The following MALT1 variants were observed in gnomAD, a reference collection of about 807,000 sequenced individuals.
MALT1 encodes mucosa-associated lymphoid tissue lymphoma translocation protein 1.
MALT1 carries 36 observed loss-of-function variants against 85.5 expected under a neutral mutation model. That is an observed-to-expected ratio of 0.42 (90% CI 0.32 to 0.56). MALT1 has a LOEUF of 0.56. MALT1 is among the 20% of genes least tolerant of loss of function. The probability of loss-of-function intolerance (pLI) is 0.10; values close to 1 mark genes in which losing one functional copy is unlikely to be tolerated. For synonymous variants in MALT1, 359 were observed against 361.3 expected (o/e 0.99, Z 0.07); for missense variants, 716 against 981.6 (o/e 0.73, Z 3.62).
chr18:58,747,519 C>A lies in MALT1; in HGVS notation c.2152C>A (p.His718Asn). ...ACCTCTCATTGCTAAATTAGACATG[C>A]ATCGAGGTTTGGGAAGGAAGACTTG... is the stretch of plus-strand genomic sequence containing the variant. The part of the protein sequence containing the change: ...GKPLIAKLDM[H>N]RGLGRKTCFQ... The change falls in exon 17 of 17, where the codon CAT (histidine) becomes AAT (asparagine). Residue 718 changes from histidine to asparagine, a missense_variant. His to Asn is a moderately conservative substitution (Grantham distance 68). This residue lies in a region of MALT1 where 260 missense variants were observed against 323.7 expected (regional missense o/e 0.80). Transcript: ENST00000649217. The A allele has an allele frequency of 6.2e-7, 1 of 1,614,022 alleles. No individual in the cohort carries two copies. The highest frequency in any genetic ancestry group is 8.5e-7 in the Non-Finnish European group (1 of 1,179,916).
intron 9 of MALT1, 94 bp downstream of exon 9, chr18:58,716,061 A>G: frequency 1.1e-6 from 1 of 911,930 alleles, no homozygotes; most frequent in Non-Finnish European, 1.7e-6. Context: ...TTTTAAAGAA[A>G]TGTGAATAAC....
chr18:58,723,225 T>C lies in MALT1; in HGVS notation c.1196T>C (p.Leu399Ser). The C allele has an allele frequency of 1.2e-6, 2 of 1,613,666 alleles. No homozygotes were observed. The highest frequency in any genetic ancestry group is 1.3e-5 in the African/African-American group (1 of 75,058). Residue 399 changes from leucine (L) to serine (S), a missense_variant, in exon 10 of 17, where the codon TTA (leucine) becomes TCA (serine). Around this residue, in one of 4 missense-constraint regions of MALT1, gnomAD observed 86 missense variants for 212.3 expected, o/e 0.41. Coordinates refer to ENST00000649217, the MANE Select transcript of MALT1 (RefSeq NM_006785.4). ...ATGCGTAATGCTGTGGATGAGTTTT[T>C]ACTCCTTTTAGACAAGGGAGTATAT... is the stretch of plus-strand genomic sequence containing the variant. Reference protein sequence around the residue: ...YEMRNAVDEFLLLLDKGVYGL... With the variant: ...YEMRNAVDEFSLLLDKGVYGL...
chr18:58,712,101 A>G (rs1419714107), intron 7 of MALT1, among the ~76,000 whole-genome samples: 3 of 152,208 alleles, frequency 2.0e-5, no homozygotes, highest in East Asian at 3.8e-4. Context: ...AGTATTCTCT[A>G]TAATTTTTGC....
intron 4 of MALT1, among the ~76,000 whole-genome samples, chr18:58,707,710 T>C (rs2054773558): frequency 6.6e-6 from 1 of 152,160 alleles, no homozygotes. Flanking sequence ...CATTAACATA[T>C]AGAGATTGAA....
chr18:58,735,408 G>GTGAT (rs2055210017), intron 13 of MALT1, 79 bp downstream of exon 13: 1 of 1,453,264 alleles, frequency 6.9e-7, no homozygotes, highest in African/African-American at 1.4e-5. Context: ...TCCCTCTCTG[G>GTGAT]TGATTGTTTT....
At chr18:58,696,848 A>G (rs2054597707) in intron 3 of MALT1, among the ~76,000 whole-genome samples, 2 of 152,350 alleles carry the variant, frequency 1.3e-5, no homozygotes, top group East Asian at 3.9e-4. Flanking sequence ...TCAAGGCTAT[A>G]TGGAAAGTTA....
In MALT1 at chr18:58,734,340, T is replaced by G; in HGVS notation, c.1434T>G (p.Asp478Glu). The G allele has an allele frequency of 6.2e-7, 1 of 1,613,852 alleles. No homozygotes were observed. The highest frequency in any genetic ancestry group is 8.5e-7 in the Non-Finnish European group (1 of 1,179,696). Residue 478 changes from aspartate to glutamate, a missense_variant, in exon 12 of 17, where the codon GAT (aspartate) becomes GAG (glutamate). Physicochemically the swap from Asp to Glu is conservative, Grantham distance 45 (BLOSUM62 2). Transcript: ENST00000649217. ...ACGATGATACCATTCCAATCTTGGA[T>G]GCACTAAAAGTCACCGCCAATATTG... Reference protein sequence around the residue: ...NDYDDTIPILDALKVTANIVF... With the variant: ...NDYDDTIPILEALKVTANIVF...
intron 1 of MALT1, among the ~76,000 whole-genome samples, 191 bp from the exon 2 acceptor site, chr18:58,680,979 A>G (rs2054314158): frequency 6.6e-6 from 1 of 151,654 alleles, no homozygotes; most frequent in African/African-American, 2.4e-5. Context: ...TGAGTGGGAG[A>G]AGGGAATAAA....
At chr18:58,709,923 C>G in intron 5 of MALT1, 53 bp from the exon 6 acceptor site, 1 of 1,157,184 alleles carries the variant, frequency 8.6e-7, no homozygotes. Flanking sequence ...GATTTTTTCT[C>G]CAAGCCATTA....
chr18:58,693,246 C>A (rs1286769453), intron 2 of MALT1, among the ~76,000 whole-genome samples: 1 of 152,064 alleles, frequency 6.6e-6, no homozygotes, highest in Non-Finnish European at 1.5e-5. Context: ...CATGGTGAAA[C>A]CCCGTCTTTG....
chr18:58,721,427 T>C (rs2054981540), intron 9 of MALT1, among the ~76,000 whole-genome samples: 1 of 152,218 alleles, frequency 6.6e-6, no homozygotes, highest in African/African-American at 2.4e-5. Context: ...CTGCCTCCTA[T>C]TGAAATCCAT....
chr18:58,692,433 TCTCACTCTCTCCCTCC>T (rs777702369), intron 2 of MALT1, among the ~76,000 whole-genome samples: 13 of 55,124 alleles, frequency 2.4e-4, no homozygotes, highest in Non-Finnish European at 4.2e-4. Flanking sequence ...TCTCTCTCTC[TCTCACTCTCTCCCTCC>T]CTCCCTCCCT....
Position 58,741,943 on chromosome 18 carries a change from C to G in MALT1, c.1682C>G (p.Thr561Ser). The G allele has an allele frequency of 6.4e-7, 1 of 1,573,004 alleles. No individual in the cohort carries two copies. Among genetic ancestry groups the G allele is most frequent in the Admixed American group, 1.7e-5 (1 of 59,736 alleles). ...AGTTTATCTGAGAAGAGAGCACTTA[C>G]TGATCCAATACAGGGAACAGAATAT... ...RSSLSEKRALTDPIQGTEYSA... is the reference protein window; with the variant it reads ...RSSLSEKRALSDPIQGTEYSA... Residue 561 changes from threonine (T) to serine (S), a missense_variant, in exon 14 of 17, where the codon ACT becomes AGT. Transcript: ENST00000649217.
At chr18:58,699,327 A>G (rs1432347744) in intron 3 of MALT1, among the ~76,000 whole-genome samples, 1 of 152,230 alleles carries the variant, frequency 6.6e-6, no homozygotes, top group Non-Finnish European at 1.5e-5. Context: ...ATAGTCTAGA[A>G]GGAAAACACA....
chr18:58,696,387 C>T lies in MALT1; in HGVS notation c.398C>T (p.Pro133Leu). Residue 133 changes from proline (P) to leucine (L), a missense_variant, in exon 3 of 17, where the codon CCA becomes CTA. By Grantham distance (98) the Pro-to-Leu change is moderately conservative (BLOSUM62 -3). Transcript: ENST00000649217. ...SPPGIKITVNPESKAVLAGQF... is the reference protein window; with the variant it reads ...SPPGIKITVNLESKAVLAGQF... ...TTAGGAATAAAGATTACTGTAAACC[C>T]AGAGTCAAAGGCAGTCTTGGCTGGA... The T allele has an allele frequency of 2.0e-6, 3 of 1,484,996 alleles. No homozygotes were observed. The highest frequency in any genetic ancestry group is 2.7e-6 in the Non-Finnish European group (3 of 1,104,306). The allele number at this position is 1,484,996 out of a possible 1,614,324, so 92.0% of individuals were successfully genotyped here.
chr18:58,696,337 A>ATTTTTTTTTTTTTT, intron 2 of MALT1, 29 bp from the exon 3 acceptor site: 1 of 990,752 alleles, frequency 1.0e-6, no homozygotes, highest in Non-Finnish European at 1.3e-6. Context: ...TGTGACTTTA[A>ATTTTTTTTTTTTTT]TTTTTTTTTT....
Position 58,709,704 on chromosome 18 carries a change from A to G in MALT1, c.828+148A>G, listed in dbSNP as rs4293479. On this transcript the variant is annotated intron_variant, in intron 5 of 16. Coordinates refer to ENST00000649217, the MANE Select transcript of MALT1 (RefSeq NM_006785.4). ...TATTTAAAGTCCCTTATGATTTCAT[A>G]TTAACTAGCTCTTATATTTGCTAAA... 0.019 allele frequency: 14,157 copies of G among 730,946 alleles called. 1,521 individuals carry two copies. The African/African-American group carries it at 0.23, about 12-fold the overall frequency. 45.3% of individuals were successfully genotyped at this position (730,946 alleles called of 1,614,324 possible).
chr18:58,682,634 T>C (rs535243344), intron 2 of MALT1, among the ~76,000 whole-genome samples: 2 of 152,342 alleles, frequency 1.3e-5, no homozygotes, highest in South Asian at 4.1e-4. Flanking sequence ...TGGAATGTGC[T>C]GACTCGCCTG....
chr18:58,694,887 G>C (rs2054564820), intron 2 of MALT1, among the ~76,000 whole-genome samples: 1 of 152,222 alleles, frequency 6.6e-6, no homozygotes, highest in South Asian at 2.1e-4. Flanking sequence ...CTCACTGGCT[G>C]TGGCGGGAGA....
Sources: allele counts gnomAD v4.1 joint callset (sites outside exome capture counted in the v4.1 genomes callset), GRCh38; gene constraint gnomAD v4.1.1; regional missense constraint gnomAD v4.1.1; transcripts MANE v1.5; gene names NCBI Gene and HGNC (gene_info 2026-07-23, HGNC 2026-07-21).